The following SLC44A1 variants were observed in gnomAD, a reference collection of about 807,000 sequenced individuals.
The protein encoded by SLC44A1 is choline transporter-like protein 1.
Under a neutral mutation model 79.3 loss-of-function variants are expected in SLC44A1, and 26 were observed. The observed-to-expected ratio is 0.33, with a 90% CI of 0.24 to 0.46. The LOEUF is 0.46. Ranked by LOEUF, SLC44A1 falls within the 20% of genes least tolerant of loss-of-function variation. The pLI is 1.00. For missense variants in SLC44A1, 688 were observed against 798.1 expected, an observed-to-expected ratio of 0.86 and a Z score of 1.66; for synonymous variants, 263 against 286.2, an observed-to-expected ratio of 0.92 and a Z score of 0.82.
chr9:105,325,722 A>G (rs1274601213), intron 3 of SLC44A1, among the ~76,000 whole-genome samples: 2 of 152,236 alleles, frequency 1.3e-5, no homozygotes, highest in Non-Finnish European at 2.9e-5. Context: ...TTAAATTTCA[A>G]CATGAGTTTT....
chr9:105,278,650 G>GGATT (rs1470515123), intron 1 of SLC44A1, among the ~76,000 whole-genome samples: 2 of 152,128 alleles, frequency 1.3e-5, no homozygotes, highest in Non-Finnish European at 2.9e-5. Flanking sequence ...CAAAGTCCTG[G>GGATT]GATTACAGGC....
chr9:105,415,614 C>A (rs1382149791), intron 15 of SLC44A1, among the ~76,000 whole-genome samples: 1 of 152,142 alleles, frequency 6.6e-6, no homozygotes, highest in East Asian at 1.9e-4. Context: ...CAATTAACAA[C>A]CCCTGAAACT....
intron 15 of SLC44A1, among the ~76,000 whole-genome samples, chr9:105,409,483 G>C (rs1356260519): frequency 1.3e-5 from 2 of 152,136 alleles, no homozygotes; most frequent in Non-Finnish European, 2.9e-5. Context: ...CTAGGTGTTC[G>C]AGACCAGCCT....
intron 15 of SLC44A1, among the ~76,000 whole-genome samples, chr9:105,428,745 G>A (rs957114178): frequency 6.6e-6 from 1 of 152,198 alleles, no homozygotes; most frequent in African/African-American, 2.4e-5. Flanking sequence ...CATTGCGCAG[G>A]CTGGAGGGCA....
chr9:105,421,719 C>G (rs1829252805), intron 15 of SLC44A1, among the ~76,000 whole-genome samples: 1 of 151,898 alleles, frequency 6.6e-6, no homozygotes, highest in Non-Finnish European at 1.5e-5. Flanking sequence ...TCCCGAGTAG[C>G]TGGGACTACA....
chr9:105,300,939 C>G (rs1792367933), intron 2 of SLC44A1, among the ~76,000 whole-genome samples: 1 of 152,008 alleles, frequency 6.6e-6, no homozygotes, highest in African/African-American at 2.4e-5. Context: ...CCACGCCCAG[C>G]TAATTTTGAA....
intron 15 of SLC44A1, among the ~76,000 whole-genome samples, chr9:105,408,866 A>G (rs1270739493): frequency 1.3e-5 from 2 of 152,256 alleles, no homozygotes. Flanking sequence ...CAGTGTTTGT[A>G]CATTATTTAA....
At chr9:105,330,988 G>T (rs988839177) in intron 3 of SLC44A1, among the ~76,000 whole-genome samples, 11 of 152,150 alleles carry the variant, frequency 7.2e-5, no homozygotes, top group Admixed American at 4.6e-4. Context: ...TGTGCATATT[G>T]TATATGCCAA....
At chr9:105,263,964 CT>C (rs998970568) in intron 1 of SLC44A1, among the ~76,000 whole-genome samples, 2 of 152,090 alleles carry the variant, frequency 1.3e-5, no homozygotes, top group Admixed American at 6.6e-5. Context: ...GCTTTTCCCC[CT>C]ATATATCTTT....
intron 3 of SLC44A1, among the ~76,000 whole-genome samples, chr9:105,322,168 A>G (rs1375025853): frequency 2.0e-5 from 3 of 152,238 alleles, no homozygotes; most frequent in Admixed American, 6.5e-5. Context: ...AGTTACTGAC[A>G]TAAAGCACTA....
chr9:105,430,187 C>T (rs1023191849), intron 15 of SLC44A1, among the ~76,000 whole-genome samples: 2 of 152,232 alleles, frequency 1.3e-5, no homozygotes, highest in African/African-American at 4.8e-5. Flanking sequence ...GCCACCACGC[C>T]TGGCCTAATT....
chr9:105,366,437 AT>A lies in SLC44A1; in HGVS notation c.1494+12del. 1 of 1,257,848 alleles carries A rather than the reference AT, an allele frequency of 8.0e-7. No individual in the cohort carries two copies. The highest frequency in any genetic ancestry group is 1.1e-6 in the Non-Finnish European group (1 of 912,526). The allele number at this position is 1,257,848 out of a possible 1,614,324, so 77.9% of individuals were successfully genotyped here. Reference sequence around the variant, plus strand: ...CTAAATTATTTAAATCAGGTAAAATATTTTAAAAATAAATCTAATATTTACT... The same window carrying A: ...CTAAATTATTTAAATCAGGTAAAATATTTAAAAATAAATCTAATATTTACT... On this transcript the variant is annotated intron_variant, in intron 12 of 15. Coordinates refer to ENST00000374720, the MANE Select transcript of SLC44A1 (RefSeq NM_080546.5).
intron 1 of SLC44A1, among the ~76,000 whole-genome samples, chr9:105,265,215 C>T (rs947185529): frequency 3.3e-5 from 5 of 152,132 alleles, no homozygotes; most frequent in Admixed American, 1.3e-4. Context: ...CTTTGACAGA[C>T]GCATGGCCTT....
chr9:105,369,694 C>T (rs946478698), intron 12 of SLC44A1, among the ~76,000 whole-genome samples: 1 of 152,152 alleles, frequency 6.6e-6, no homozygotes, highest in Non-Finnish European at 1.5e-5. Flanking sequence ...TAGCTTGCCC[C>T]TATTAAGTGA....
intron 1 of SLC44A1, among the ~76,000 whole-genome samples, chr9:105,257,592 A>G (rs1829741595): frequency 6.6e-6 from 1 of 152,184 alleles, no homozygotes; most frequent in Admixed American, 6.5e-5. Flanking sequence ...AAATAATTAG[A>G]GGCTAAATTG....
At chr9:105,301,255 C>CTGATTTGGGAG (rs1198367100) in intron 2 of SLC44A1, among the ~76,000 whole-genome samples, 3 of 152,104 alleles carry the variant, frequency 2.0e-5, no homozygotes, top group Non-Finnish European at 4.4e-5. Context: ...TGTTAATAGG[C>CTGATTTGGGAG]TGATTTGGGA....
At chr9:105,419,330 T>C (rs914678114) in intron 15 of SLC44A1, among the ~76,000 whole-genome samples, 1 of 152,168 alleles carries the variant, frequency 6.6e-6, no homozygotes, top group Non-Finnish European at 1.5e-5. Flanking sequence ...CAAAGTAAAT[T>C]TTATCTGTGT....
chr9:105,254,391 CA>C (rs1248667758), intron 1 of SLC44A1, among the ~76,000 whole-genome samples: 1 of 152,122 alleles, frequency 6.6e-6, no homozygotes, highest in African/African-American at 2.4e-5. Flanking sequence ...AAGGACTCTG[CA>C]ATTGATTTAG....
chr9:105,438,051 G>A (rs1829486252), intron 15 of SLC44A1, among the ~76,000 whole-genome samples: 2 of 152,082 alleles, frequency 1.3e-5, no homozygotes, highest in Middle Eastern at 3.2e-3. Flanking sequence ...GGGAAATGTA[G>A]GCACAGATTT....
Sources: allele counts gnomAD v4.1 joint callset (sites outside exome capture counted in the v4.1 genomes callset), GRCh38; gene constraint gnomAD v4.1.1; transcripts MANE v1.5; gene names NCBI Gene and HGNC (gene_info 2026-07-23, HGNC 2026-07-21).